The following CNOT8 variants were observed in gnomAD, a reference collection of about 807,000 sequenced individuals.
CNOT8 encodes CCR4-NOT transcription complex subunit 8, also known as CAF1-like protein.
CNOT8 carries 18 observed loss-of-function variants against 34.6 expected under a neutral mutation model. That is an observed-to-expected ratio of 0.52 (90% CI 0.36 to 0.77). CNOT8 has a LOEUF of 0.77. CNOT8 is among the 30% of genes least tolerant of loss of function. CNOT8 has a pLI of 0.00. For synonymous variants in CNOT8, 101 were observed against 118.8 expected (o/e 0.85, Z 0.98); for missense variants, 189 against 347.9 (o/e 0.54, Z 3.63).
intron 3 of CNOT8, chr5:154,867,803 A>C: frequency 5.7e-6 from 1 of 175,952 alleles, no homozygotes; most frequent in Admixed American, 6.4e-5. Flanking sequence ...GTAAAGAGAA[A>C]AAAAATTTTT....
rs537389573 is a variant in CNOT8, at chr5:154,859,263, A to G, written c.-73+495A>G. The G allele has an allele frequency of 3.3e-5, 5 of 152,308 alleles. No individual in the cohort carries two copies. In the South Asian group the frequency reaches 1.0e-3, roughly 32 times the overall value. 9.4% of individuals were successfully genotyped at this position (152,308 alleles called of 1,614,324 possible). ...GAAGGATGATGATAAACGAGAAGAGAATGATGATGGGAGACGGAGTAGTGG... is the reference window on the plus strand; with the variant it reads ...GAAGGATGATGATAAACGAGAAGAGGATGATGATGGGAGACGGAGTAGTGG... On this transcript the variant is annotated intron_variant, in intron 1 of 6. Coordinates refer to ENST00000285896, the MANE Select transcript of CNOT8 (RefSeq NM_001301073.2).
intron 3 of CNOT8, among the ~76,000 whole-genome samples, chr5:154,868,412 T>G (rs1262710089): frequency 1.3e-5 from 2 of 150,932 alleles, no homozygotes; most frequent in Admixed American, 1.3e-4. Context: ...GGATTACAGG[T>G]GCCCACCATG....
intron 1 of CNOT8, chr5:154,859,083 C>T (rs867203624): frequency 6.6e-6 from 1 of 152,142 alleles, no homozygotes; most frequent in African/African-American, 2.4e-5. Flanking sequence ...GATTAAGTGG[C>T]TTATGCAAGG....
At chr5:154,874,777 C>T (rs558866691) in intron 6 of CNOT8, among the ~76,000 whole-genome samples, 1 of 151,496 alleles carries the variant, frequency 6.6e-6, no homozygotes, top group Admixed American at 6.6e-5. Context: ...TCGTAATCCA[C>T]CTGCCTTGGC....
chr5:154,870,864 A>C (rs1762423137), intron 4 of CNOT8, 42 bp downstream of exon 4: 1 of 1,523,592 alleles, frequency 6.6e-7, no homozygotes, highest in Admixed American at 1.9e-5. Flanking sequence ...ACTTTGGGCT[A>C]CACTGAAGCA....
At chr5:154,865,431 A>AC in intron 3 of CNOT8, 46 bp downstream of exon 3, 1 of 1,435,414 alleles carries the variant, frequency 7.0e-7, no homozygotes, top group African/African-American at 1.4e-5. Context: ...TTTTGTTTTC[A>AC]CTGAATCCAG....
chr5:154,858,308 A>T (rs1168458145), upstream of CNOT8: 1 of 152,132 alleles, frequency 6.6e-6, no homozygotes, highest in Non-Finnish European at 1.5e-5. Context: ...GCAACTAATC[A>T]CGCGAAGAGG....
chr5:154,871,771 C>G lies in CNOT8; in HGVS notation c.515C>G (p.Ser172Cys), dbSNP rs576444811. 1 of 1,613,882 alleles carries G rather than the reference C, an allele frequency of 6.2e-7. No homozygotes were observed. Among genetic ancestry groups the G allele is most frequent in the African/African-American group, 1.3e-5 (1 of 74,986 alleles). The change falls in exon 5 of 7, where the codon TCT becomes TGT. Residue 172 changes from serine to cysteine, a missense_variant. Transcript: ENST00000285896. ...FGYMVKLLTDSRLPEEEHEFF... is the reference protein window; with the variant it reads ...FGYMVKLLTDCRLPEEEHEFF... ...TATATGGTAAAGTTGCTTACAGATTCTCGTTTGCCAGAAGAGGAACATGAA... is the reference window on the plus strand; with the variant it reads ...TATATGGTAAAGTTGCTTACAGATTGTCGTTTGCCAGAAGAGGAACATGAA...
chr5:154,862,399 G>C (rs1353588523), intron 1 of CNOT8, among the ~76,000 whole-genome samples: 1 of 151,950 alleles, frequency 6.6e-6, no homozygotes, highest in Non-Finnish European at 1.5e-5. Flanking sequence ...GCACCCAGGA[G>C]GCAAAGGTTG....
At position 154,872,564 on chromosome 5, in the gene CNOT8, T is replaced by A; in HGVS notation, c.642T>A (p.Asp214Glu). 2.5e-6 allele frequency: 4 copies of A among 1,612,456 alleles called. No individual in the cohort carries two copies. Among genetic ancestry groups the A allele is most frequent in the Non-Finnish European group, 2.5e-6 (3 of 1,179,168 alleles). The change falls in exon 6 of 7, where the codon GAT becomes GAA. Residue 214 changes from aspartate (D) to glutamate (E), a missense_variant. Asp to Glu is a conservative substitution (Grantham distance 45). Coordinates refer to ENST00000285896, the MANE Select transcript of CNOT8 (RefSeq NM_001301073.2). ...NLKGGLQEVA[D>E]QLDLQRIGRQ... ...AGGGAGGTCTTCAGGAAGTTGCTGA[T>A]CAGTTGGATTTGCAGAGGATTGGAA...
In CNOT8 at chr5:154,876,277, G is replaced by T. The variant is rs145515441; in HGVS notation, c.*838G>T. 9 of 152,306 alleles carry T rather than the reference G, an allele frequency of 5.9e-5. No homozygotes were observed. The highest frequency in any genetic ancestry group is 1.7e-4 in the African/African-American group (7 of 41,564). 9.4% of individuals were successfully genotyped at this position (152,306 alleles called of 1,614,324 possible). A position where few individuals can be genotyped will look rare whatever the true frequency, so the allele number is the denominator to read the frequency against. ...ATCAGATTTTTGGGTCATGTCTGTT[G>T]TATTTTCAGTAATGTGATTTCAGAT... On this transcript the variant is annotated 3_prime_UTR_variant, in exon 7 of 7. Coordinates refer to ENST00000285896, the MANE Select transcript of CNOT8 (RefSeq NM_001301073.2).
At chr5:154,863,167 TG>T in intron 1 of CNOT8, 39 bp from the exon 2 acceptor site, 1 of 725,998 alleles carries the variant, frequency 1.4e-6, no homozygotes, top group South Asian at 1.6e-5. Context: ...ATCTTATGTG[TG>T]TGTAAACTTA....
At chr5:154,873,811 A>G (rs909405911) in intron 6 of CNOT8, among the ~76,000 whole-genome samples, 7 of 152,050 alleles carry the variant, frequency 4.6e-5, no homozygotes, top group Non-Finnish European at 7.4e-5. Flanking sequence ...TCAACTGGGG[A>G]TGATTTTGCC....
rs961014209 is a variant in CNOT8, at chr5:154,870,239, G to GT, written c.312-412dup. Among the ~76,000 whole-genome samples the GT allele has an allele frequency of 2.1e-3, 300 of 141,680 alleles. 2 individuals are homozygous for GT. Among genetic ancestry groups the GT allele is most frequent in the African/African-American group, 6.4e-3 (233 of 36,446 alleles). 92.9% of individuals were successfully genotyped at this position (141,680 alleles called of 152,430 possible). On this transcript the variant is annotated intron_variant, in intron 3 of 6. Coordinates refer to ENST00000285896, the MANE Select transcript of CNOT8 (RefSeq NM_001301073.2). ...TTGTTTGTGTGTGTGTGTGTGTGTT[G>GT]TTTTTTTTTTGTTTGTTTTGTTTTT...
At chr5:154,870,611 A>C in intron 3 of CNOT8, 50 bp from the exon 4 acceptor site, 1 of 1,468,560 alleles carries the variant, frequency 6.8e-7, no homozygotes. Flanking sequence ...TGTGGCCACT[A>C]CTTCTGTTTC....
At chr5:154,872,720 T>C in intron 6 of CNOT8, 69 bp downstream of exon 6, 2 of 779,816 alleles carry the variant, frequency 2.6e-6, no homozygotes, top group Non-Finnish European at 4.2e-6. Flanking sequence ...AGGTAGTGGA[T>C]GGTCTGTTAT....
chr5:154,870,365 T>TG, intron 3 of CNOT8: 1 of 208,366 alleles, frequency 4.8e-6, no homozygotes, highest in Non-Finnish European at 9.6e-6. Flanking sequence ...ATTACAGGCG[T>TG]GCACCACTGT....
chr5:154,875,217 A>G, intron 6 of CNOT8, 73 bp from the exon 7 acceptor site: 1 of 1,530,208 alleles, frequency 6.5e-7, no homozygotes, highest in Non-Finnish European at 8.9e-7. Flanking sequence ...GCACCCGGCC[A>G]GATGTGATAA....
At chr5:154,862,481 AG>A (rs1761447051) in intron 1 of CNOT8, among the ~76,000 whole-genome samples, 1 of 152,110 alleles carries the variant, frequency 6.6e-6, no homozygotes, top group Non-Finnish European at 1.5e-5. Flanking sequence ...AAAAAAAAAA[AG>A]TAAATACTAA....
Sources: gnomAD v4.1 joint callset for allele counts (sites outside exome capture counted in the v4.1 genomes callset) on GRCh38, gnomAD v4.1.1 for gene constraint, MANE v1.5 for transcripts, NCBI Gene and HGNC (gene_info 2026-07-23, HGNC 2026-07-21) for gene names.